The following HDAC10 variants were observed in gnomAD, a reference collection of about 807,000 sequenced individuals.
HDAC10 encodes the protein polyamine deacetylase HDAC10.
In HDAC10, 90 loss-of-function variants were observed where a neutral mutation model predicts 82.3. That is an observed-to-expected ratio of 1.09 (90% CI 0.92 to 1.30). The LOEUF (loss-of-function observed/expected upper bound fraction) is 1.30. Ranked by LOEUF, HDAC10 falls within the 50% of genes most tolerant of loss-of-function variation. The pLI, the probability that HDAC10 is intolerant of heterozygous loss-of-function variation, is 0.00. For missense variants in HDAC10, 934 were observed against 876.3 expected, an observed-to-expected ratio of 1.07 and a Z score of -0.83; for synonymous variants, 456 against 391.7, an observed-to-expected ratio of 1.16 and a Z score of -1.94.
intron 3 of HDAC10, 50 bp from the exon 4 acceptor site, chr22:50,250,210 T>C (rs1338549641): frequency 6.6e-7 from 1 of 1,514,874 alleles, no homozygotes; most frequent in Admixed American, 1.8e-5. Flanking sequence ...TGCTGCCCTT[T>C]GCAGGCCATA....
chr22:50,246,433 C>T (rs551750774), intron 16 of HDAC10, 57 bp from the exon 17 acceptor site: 8 of 1,438,562 alleles, frequency 5.6e-6, no homozygotes, highest in South Asian at 2.3e-5. Flanking sequence ...GAGCCCAAAC[C>T]GCAGAGGCAG....
rs778269488 is a variant in HDAC10, at chr22:50,248,613, C to CCA, written c.906+48_906+49insTG. ...GGCACCTGGCTCCCATGCTCCTGAC[C>CCA]CCCAGGCCTCTGGCCCAGAGACCCT... On this transcript the variant is annotated intron_variant, in intron 10 of 19. Coordinates refer to ENST00000216271, the MANE Select transcript of HDAC10 (RefSeq NM_032019.6). This position sits in a 1 kb window ranked among gnomAD's most constrained non-coding sequence, Gnocchi z 5.4. 2 of 1,475,608 alleles carry CCA rather than the reference C, an allele frequency of 1.4e-6. No homozygotes were observed. The highest frequency in any genetic ancestry group is 1.8e-6 in the Non-Finnish European group (2 of 1,109,518). The allele number at this position is 1,475,608 out of a possible 1,614,324, so 91.4% of individuals were successfully genotyped here.
chr22:50,245,607 C>T (rs1409855366), intron 19 of HDAC10, 68 bp downstream of exon 19: 1 of 1,601,648 alleles, frequency 6.2e-7, no homozygotes, highest in South Asian at 1.1e-5. Flanking sequence ...CCTGCCCTGC[C>T]CTCCCCACCG....
chr22:50,247,295 G>A, intron 14 of HDAC10: 1 of 311,244 alleles, frequency 3.2e-6, no homozygotes, highest in Non-Finnish European at 5.9e-6. Context: ...ACCACGCTTG[G>A]CTGACTTTTT....
chr22:50,250,748 G>GA, intron 2 of HDAC10, 23 bp downstream of exon 2: 1 of 1,550,398 alleles, frequency 6.4e-7, no homozygotes, highest in Admixed American at 1.9e-5. Flanking sequence ...GCCCCCCATC[G>GA]TGGGGCCTGC....
In HDAC10 at chr22:50,246,057, C is replaced by A. The variant is rs769565193; in HGVS notation, c.1686G>T (p.Leu562Phe). 6.2e-7 allele frequency: 1 copy of A among 1,611,538 alleles called. No homozygotes were observed. Among genetic ancestry groups the A allele is most frequent in the Non-Finnish European group, 8.5e-7 (1 of 1,178,886 alleles). ...GGAAGCCATAGGCCAGGGGCAGCAC[C>A]AAGCCCAAGATGCAGCTCAGGAAAC... Reference protein sequence around the residue: ...TGGFLSCILGLVLPLAYGFQP... With the variant: ...TGGFLSCILGFVLPLAYGFQP... The change falls in exon 18 of 20, where the codon TTG becomes TTT. Residue 562 changes from leucine (L) to phenylalanine (F), a missense_variant. By Grantham distance (22) the Leu-to-Phe change is conservative. Coordinates refer to ENST00000216271, the MANE Select transcript of HDAC10 (RefSeq NM_032019.6).
In HDAC10 at chr22:50,246,306, G is replaced by C; in HGVS notation, c.1642C>G (p.Leu548Val). The part of the protein sequence containing the change: ...ALSMFHVSTP[L>V]PVMTGGFLSC... Reference sequence around the variant, plus strand: ...GTGGCATGGTCACTCACCACTGGCAGTGGCGTGGAGACATGGAACATGGAT... The same window carrying C: ...GTGGCATGGTCACTCACCACTGGCACTGGCGTGGAGACATGGAACATGGAT... The change falls in exon 17 of 20, where the codon CTG becomes GTG. Residue 548 changes from leucine to valine, a missense_variant. Transcript: ENST00000216271. 1.9e-6 allele frequency: 3 copies of C among 1,612,494 alleles called. No individual in the cohort carries two copies. The South Asian group carries it at 3.3e-5, about 18-fold the overall frequency.
At position 50,245,461 on chromosome 22, in the gene HDAC10, GTGC is replaced by G. The variant is rs1227042299; in HGVS notation, c.*43_*45del. 2 of 763,274 alleles carry G rather than the reference GTGC, an allele frequency of 2.6e-6. No homozygotes were observed. The highest frequency in any genetic ancestry group is 4.8e-6 in the Non-Finnish European group (2 of 416,908). 47.3% of individuals were successfully genotyped at this position (763,274 alleles called of 1,614,324 possible). ...CGGATCGCGGCCGCGGGGCGCTGGC[GTGC>G]GGTGTCATTTCTGCGGTGTAAATGC... On this transcript the variant is annotated 3_prime_UTR_variant, in exon 20 of 20. Transcript: ENST00000216271.
intron 2 of HDAC10, 56 bp downstream of exon 2, chr22:50,250,715 T>G: frequency 6.7e-7 from 1 of 1,493,444 alleles, no homozygotes; most frequent in Non-Finnish European, 9.0e-7. Context: ...GGTTCTTAGG[T>G]TTCTAGCTGG....
In HDAC10 at chr22:50,245,404, C is replaced by T. The variant is rs2064914950; in HGVS notation, c.*103G>A. ...ATTGGGAGTGGGCGGGGTTCCGTGC[C>T]CCAGAGTCGAGGGAGCCGTGGGCTT... On this transcript the variant is annotated 3_prime_UTR_variant, in exon 20 of 20. Coordinates refer to ENST00000216271, the MANE Select transcript of HDAC10 (RefSeq NM_032019.6). 1 of 708,026 alleles carries T rather than the reference C, an allele frequency of 1.4e-6. No homozygotes were observed. Among genetic ancestry groups the T allele is most frequent in the Non-Finnish European group, 2.6e-6 (1 of 384,140 alleles). The allele number at this position is 708,026 out of a possible 1,614,324, so 43.9% of individuals were successfully genotyped here.
rs1294224917 is a variant in HDAC10 at position 50,245,789 on chromosome 22, C to T, written c.1872G>A (p.Val624=). Residue 624 remains valine (V), a synonymous_variant, in exon 19 of 20, where the codon GTG becomes GTA. Transcript: ENST00000216271. ...GGCTAGGAGGTGCCTCTCCATTCAG[C>T]ACCCGGGCCAGGATCCCTGCTAGCT... ...TPQLAGILAR[V]LNGEAPPSLG... is the part of the protein sequence containing the mutation. 4 of 1,592,996 alleles carry T rather than the reference C, an allele frequency of 2.5e-6. No homozygotes were observed. Among genetic ancestry groups the T allele is most frequent in the Non-Finnish European group, 2.6e-6 (3 of 1,170,162 alleles).
intron 16 of HDAC10, 78 bp from the exon 17 acceptor site, chr22:50,246,454 G>A: frequency 7.8e-7 from 1 of 1,274,988 alleles, no homozygotes. Flanking sequence ...AGGTGGAAGA[G>A]CATTCACGGG....
Position 50,246,925 on chromosome 22 carries a change from T to G in HDAC10, c.1464A>C (p.Ala488=), listed in dbSNP as rs1332756628. The part of the protein sequence containing the change: ...GIAATPASAA[A]ATLDVAVRRG... ...TCCGAACAGCCACATCCAGGGTGGC[T>G]GCTGCAGCAGAGGCTGGAGTGGCTG... The change falls in exon 15 of 20, where the codon GCA becomes GCC. Residue 488 remains alanine, a synonymous_variant. Coordinates refer to ENST00000216271, the MANE Select transcript of HDAC10 (RefSeq NM_032019.6). 1 of 1,612,200 alleles carries G rather than the reference T, an allele frequency of 6.2e-7. No homozygotes were observed. Among genetic ancestry groups the G allele is most frequent in the Admixed American group, 1.7e-5 (1 of 59,938 alleles).
chr22:50,246,356 A>G lies in HDAC10; in HGVS notation c.1592T>C (p.Ile531Thr). 1 of 1,612,744 alleles carries G rather than the reference A, an allele frequency of 6.2e-7. No individual in the cohort carries two copies. The highest frequency in any genetic ancestry group is 1.1e-5 in the South Asian group (1 of 91,086). The change falls in exon 17 of 20, where the codon ATC (isoleucine) becomes ACC (threonine). Residue 531 changes from isoleucine to threonine, a missense_variant. By Grantham distance (89) the Ile-to-Thr change is moderately conservative. Coordinates refer to ENST00000216271, the MANE Select transcript of HDAC10 (RefSeq NM_032019.6). ...TAGGGCAGCCGCCTCCTTGCCCCTG[A>G]TGTTCAGCCACAGACTCCTCCTTCC... ...AHDGRSLWLN[I>T]RGKEAAALSM... is the part of the protein sequence containing the mutation.
chr22:50,245,576 G>A (rs754792476), intron 19 of HDAC10, 46 bp from the exon 20 acceptor site: 1 of 1,482,022 alleles, frequency 6.7e-7, no homozygotes, highest in South Asian at 1.1e-5. Context: ...CTCCGGCGCT[G>A]GAGCTGGTTC....
In HDAC10 at chr22:50,246,927, C is replaced by T. The variant is rs201304779; in HGVS notation, c.1462G>A (p.Ala488Thr). 8.4e-5 allele frequency: 136 copies of T among 1,612,040 alleles called. No individual in the cohort carries two copies. The highest frequency in any genetic ancestry group is 1.1e-4 in the Non-Finnish European group (130 of 1,179,092). The change falls in exon 15 of 20, where the codon GCA (alanine) becomes ACA (threonine). Residue 488 changes from alanine to threonine, a missense_variant. Transcript: ENST00000216271. ...GIAATPASAA[A>T]ATLDVAVRRG... ...CGAACAGCCACATCCAGGGTGGCTGCTGCAGCAGAGGCTGGAGTGGCTGCT... is the reference window on the plus strand; with the variant it reads ...CGAACAGCCACATCCAGGGTGGCTGTTGCAGCAGAGGCTGGAGTGGCTGCT...
At chr22:50,245,605 G>GCCCTC (rs1031317247) in intron 19 of HDAC10, 70 bp downstream of exon 19, 2 of 1,596,694 alleles carry the variant, frequency 1.3e-6, no homozygotes, top group African/African-American at 2.7e-5. Flanking sequence ...CCCCTGCCCT[G>GCCCTC]CCCTCCCCAC....
chr22:50,247,440 A>G (rs2147234083), intron 14 of HDAC10: 1 of 432,314 alleles, frequency 2.3e-6, no homozygotes, highest in Non-Finnish European at 4.1e-6. Context: ...GCCTAAATGT[A>G]TACTTTAAAT....
Position 50,248,377 on chromosome 22 carries a change from C to T in HDAC10, c.1002G>A (p.Ala334=), listed in dbSNP as rs768498677. Residue 334 remains alanine, a synonymous_variant, in exon 11 of 20, where the codon GCG becomes GCA. Transcript: ENST00000216271. The surrounding 1 kb of genome is among the most constrained non-coding windows in gnomAD (Gnocchi z 5.4). ...DPAPPLSGPM[A]PCQSALESIQ... Reference sequence around the variant, plus strand: ...ACCTCCCCTCGCACCTCTGACATGGCGCCATTGGCCCTGACAGGGGTGGGG... The same window carrying T: ...ACCTCCCCTCGCACCTCTGACATGGTGCCATTGGCCCTGACAGGGGTGGGG... 15 of 1,610,424 alleles carry T rather than the reference C, an allele frequency of 9.3e-6. No individual in the cohort carries two copies. Among genetic ancestry groups the T allele is most frequent in the East Asian group, 8.9e-5 (4 of 44,886 alleles).
Sources: gnomAD v4.1 joint callset for allele counts on GRCh38, gnomAD v4.1.1 for gene constraint, Gnocchi (gnomAD v3.1) non-coding constraint, MANE v1.5 for transcripts, NCBI Gene and HGNC (gene_info 2026-07-23, HGNC 2026-07-21) for gene names.